The following SP100 variants were observed in gnomAD, a reference collection of about 807,000 sequenced individuals.
SP100 encodes the protein nuclear autoantigen Sp-100.
SP100 carries 84 observed loss-of-function variants against 130.0 expected under a neutral mutation model. That is an observed-to-expected ratio of 0.65 (90% confidence interval 0.54 to 0.77). SP100 has a LOEUF of 0.77. Ranked by LOEUF, SP100 falls within the 30% of genes least tolerant of loss-of-function variation. The pLI is 0.00. For synonymous variants in SP100, 331 were observed against 351.7 expected (o/e 0.94, Z 0.66); for missense variants, 978 against 1,052.2 (o/e 0.93, Z 0.97).
chr2:230,498,987 C>G (rs1024850979), intron 19 of SP100, among the ~76,000 whole-genome samples: 2 of 152,124 alleles, frequency 1.3e-5, no homozygotes, highest in African/African-American at 4.8e-5. Flanking sequence ...TGGCTGCCCT[C>G]CAAGGCCCAT....
intron 2 of SP100, chr2:230,440,466 A>G: frequency 9.6e-7 from 1 of 1,040,400 alleles, no homozygotes; most frequent in Non-Finnish European, 1.3e-6. Context: ...TAAATTTTTT[A>G]TTTCAATAGG....
intron 24 of SP100, among the ~76,000 whole-genome samples, chr2:230,521,615 T>G (rs867352436): frequency 6.6e-6 from 1 of 152,210 alleles, no homozygotes. Context: ...ATACTTGTTG[T>G]CTCAGTGATT....
intron 10 of SP100, among the ~76,000 whole-genome samples, chr2:230,462,908 T>C (rs2064738907): frequency 6.6e-6 from 1 of 152,200 alleles, no homozygotes; most frequent in Non-Finnish European, 1.5e-5. Context: ...TGGGAAGATG[T>C]TATTGTCATC....
chr2:230,426,486 T>C (rs1290517087), intron 2 of SP100, among the ~76,000 whole-genome samples: 1 of 151,396 alleles, frequency 6.6e-6, no homozygotes, highest in African/African-American at 2.4e-5. Context: ...TCTTCTTTGA[T>C]CTATTGGTTA....
intron 24 of SP100, among the ~76,000 whole-genome samples, chr2:230,533,453 T>C (rs116024554): frequency 7.7e-4 from 117 of 152,338 alleles, no homozygotes; most frequent in Admixed American, 1.4e-3. Flanking sequence ...CAGAAAATGA[T>C]AGGACTTTCT....
At chr2:230,433,325 T>C (rs1185864662) in intron 2 of SP100, among the ~76,000 whole-genome samples, 1 of 152,250 alleles carries the variant, frequency 6.6e-6, no homozygotes, top group Non-Finnish European at 1.5e-5. Context: ...TAAGGATTTA[T>C]TTCTGCACTC....
intron 24 of SP100, among the ~76,000 whole-genome samples, chr2:230,521,060 A>G (rs1691148693): frequency 6.6e-6 from 1 of 152,234 alleles, no homozygotes; most frequent in South Asian, 2.1e-4. Context: ...ACCATGAATC[A>G]CAAGACCTTC....
chr2:230,482,491 T>C (rs938461936), intron 17 of SP100, among the ~76,000 whole-genome samples: 5 of 152,176 alleles, frequency 3.3e-5, no homozygotes, highest in Non-Finnish European at 5.9e-5. Context: ...AACAAAACCC[T>C]ATCTCAAGAT....
intron 23 of SP100, chr2:230,510,449 C>T (rs1045957982): frequency 1.6e-5 from 2 of 124,696 alleles, no homozygotes; most frequent in Non-Finnish European, 1.6e-5. Context: ...CCCTTTGCAG[C>T]TTCTCTGGAT....
intron 19 of SP100, among the ~76,000 whole-genome samples, chr2:230,499,062 A>G (rs2066860602): frequency 6.6e-6 from 1 of 152,146 alleles, no homozygotes; most frequent in African/African-American, 2.4e-5. Context: ...AACTATGGAC[A>G]GCCCCCTCTC....
intron 19 of SP100, among the ~76,000 whole-genome samples, chr2:230,500,420 T>A (rs1265958983): frequency 6.6e-6 from 1 of 152,192 alleles, no homozygotes; most frequent in Non-Finnish European, 1.5e-5. Flanking sequence ...GAGCTTCTGG[T>A]GTTTTGCCCT....
At chr2:230,476,072 A>G (rs1057024172) in intron 17 of SP100, among the ~76,000 whole-genome samples, 2 of 152,244 alleles carry the variant, frequency 1.3e-5, no homozygotes, top group African/African-American at 4.8e-5. Context: ...AATTCTGTGA[A>G]AAATGACGCT....
At chr2:230,441,725 G>A (rs1429461865) in intron 2 of SP100, among the ~76,000 whole-genome samples, 1 of 152,158 alleles carries the variant, frequency 6.6e-6, no homozygotes, top group Non-Finnish European at 1.5e-5. Context: ...AGACTGCCTG[G>A]TTGCATATGG....
chr2:230,461,073 G>A (rs2064587971), intron 8 of SP100, among the ~76,000 whole-genome samples, 189 bp from the exon 9 acceptor site: 1 of 152,012 alleles, frequency 6.6e-6, no homozygotes, highest in African/African-American at 2.4e-5. Flanking sequence ...TAGGTAAAGG[G>A]AAAGGTAAAA....
intron 24 of SP100, among the ~76,000 whole-genome samples, chr2:230,511,557 A>G (rs548967982): frequency 9.2e-5 from 14 of 152,274 alleles, no homozygotes; most frequent in Admixed American, 4.6e-4. Context: ...AATCCCAAAT[A>G]TCTGCTCCAA....
chr2:230,468,186 T>C (rs1249034051), intron 13 of SP100, among the ~76,000 whole-genome samples: 4 of 152,214 alleles, frequency 2.6e-5, no homozygotes, highest in Non-Finnish European at 5.9e-5. Flanking sequence ...TGGAAAGTTA[T>C]AGGAGGAGAC....
chr2:230,521,182 A>T (rs530208778), intron 24 of SP100, among the ~76,000 whole-genome samples: 1 of 152,296 alleles, frequency 6.6e-6, no homozygotes, highest in South Asian at 2.1e-4. Flanking sequence ...GAGAAAAGGG[A>T]GTCTGCCAAA....
chr2:230,519,869 G>A lies in SP100; in HGVS notation c.2094+8703G>A, dbSNP rs112387683. 1.3e-3 allele frequency among the ~76,000 whole-genome samples: 192 copies of A among 152,194 alleles called. 2 individuals are homozygous for A. The highest frequency in any genetic ancestry group is 4.3e-3 in the African/African-American group (180 of 41,538). ...GGCCACTGCTGCTTTTGACCATCCC[G>A]GGTTACATGGGTCCACTTATCTAAG... On this transcript the variant is annotated intron_variant, in intron 24 of 28. Coordinates refer to ENST00000340126, the MANE Select transcript of SP100 (RefSeq NM_001080391.2).
chr2:230,456,410 G>C (rs1318529522), intron 8 of SP100, among the ~76,000 whole-genome samples: 2 of 152,142 alleles, frequency 1.3e-5, no homozygotes, highest in Non-Finnish European at 2.9e-5. Context: ...CACTGAATCT[G>C]ATTGGAGACC....
Sources: gnomAD v4.1 joint callset for allele counts (sites outside exome capture counted in the v4.1 genomes callset) on GRCh38, gnomAD v4.1.1 for gene constraint, MANE v1.5 for transcripts, NCBI Gene and HGNC (gene_info 2026-07-23, HGNC 2026-07-21) for gene names.